MEI4: variants seen among roughly 807,000 people sequenced by gnomAD.
MEI4 encodes the protein meiotic double-stranded break formation protein 4.
MEI4 carries 27 observed loss-of-function variants against 31.4 expected under a neutral mutation model. That is an observed-to-expected ratio of 0.86 (90% CI 0.63 to 1.19). The LOEUF is 1.19. MEI4 is among the 50% of genes most tolerant of loss of function. MEI4 has a pLI of 0.00. For missense variants in MEI4, 329 were observed against 398.9 expected (o/e 0.82, Z 1.49); for synonymous variants, 122 against 145.4 (o/e 0.84, Z 1.16).
At chr6:77,716,226 TATAGACTA>T (rs1766579940) in intron 2 of MEI4, among the ~76,000 whole-genome samples, 2 of 152,190 alleles carry the variant, frequency 1.3e-5, no homozygotes, top group Admixed American at 6.5e-5. Flanking sequence ...TCAGATCAGA[TATAGACTA>T]TCAGAGATGG....
At chr6:77,832,484 GA>G (rs1439354523) in intron 4 of MEI4, among the ~76,000 whole-genome samples, 8 of 151,940 alleles carry the variant, frequency 5.3e-5, no homozygotes, top group African/African-American at 1.9e-4. Flanking sequence ...TATTTACTGA[GA>G]AGCCTTATGT....
At chr6:77,779,640 T>C (rs147768323) in intron 3 of MEI4, among the ~76,000 whole-genome samples, 1,570 of 152,334 alleles carry the variant, frequency 0.01, 25 homozygotes, top group African/African-American at 0.035. Flanking sequence ...GAATGTGTTA[T>C]GCCATTTTAC....
intron 2 of MEI4, among the ~76,000 whole-genome samples, chr6:77,757,427 G>A (rs528239744): frequency 6.6e-6 from 1 of 152,268 alleles, no homozygotes; most frequent in South Asian, 2.1e-4. Flanking sequence ...TAGAAATAAA[G>A]CAGCCTGTAA....
At position 77,926,820 on chromosome 6, in the gene MEI4, C is replaced by G. The variant is rs1291014768; in HGVS notation, c.*3474C>G. 1 of 151,826 alleles carries G rather than the reference C, an allele frequency of 6.6e-6. No individual in the cohort carries two copies. Among genetic ancestry groups the G allele is most frequent in the Non-Finnish European group, 1.5e-5 (1 of 67,888 alleles). The allele number at this position is 151,826 out of a possible 1,614,324, so 9.4% of individuals were successfully genotyped here. A position where few individuals can be genotyped will look rare whatever the true frequency, so the allele number is the denominator to read the frequency against. ...AGTCAATATAATGACCCAACTACAT[C>G]AATATTTGCTGAAGGAGATAATTAA... On this transcript the variant is annotated 3_prime_UTR_variant, in exon 5 of 5. Transcript: ENST00000684080.
intron 4 of MEI4, among the ~76,000 whole-genome samples, chr6:77,837,042 A>G (rs997225780): frequency 2.0e-5 from 3 of 152,132 alleles, no homozygotes; most frequent in Admixed American, 6.6e-5. Context: ...AAGGCTGAAC[A>G]TTCCCCCAAA....
chr6:77,843,694 T>C (rs1304014067), intron 4 of MEI4, among the ~76,000 whole-genome samples: 8 of 152,104 alleles, frequency 5.3e-5, no homozygotes, highest in Non-Finnish European at 1.2e-4. Context: ...TAATGGCCTC[T>C]ACTTTCTAAT....
At chr6:77,844,474 C>T (rs1770433429) in intron 4 of MEI4, among the ~76,000 whole-genome samples, 1 of 152,102 alleles carries the variant, frequency 6.6e-6, no homozygotes, top group African/African-American at 2.4e-5. Flanking sequence ...TTCTGAAGAT[C>T]TAGAGCAATC....
At chr6:77,865,397 A>G (rs1770996715) in intron 4 of MEI4, among the ~76,000 whole-genome samples, 2 of 152,214 alleles carry the variant, frequency 1.3e-5, no homozygotes, top group Admixed American at 6.5e-5. Flanking sequence ...TAAAGGTGAT[A>G]TCACCGGCAA....
intron 4 of MEI4, among the ~76,000 whole-genome samples, chr6:77,918,318 G>A (rs1766615801): frequency 1.4e-5 from 2 of 145,196 alleles, no homozygotes; most frequent in Admixed American, 1.4e-4. Context: ...GTCATTGGTA[G>A]CTTGATGGGG....
intron 4 of MEI4, among the ~76,000 whole-genome samples, chr6:77,881,316 AC>A (rs1482656257): frequency 6.6e-6 from 1 of 152,078 alleles, no homozygotes; most frequent in Non-Finnish European, 1.5e-5. Context: ...CAACTACAGA[AC>A]CCTTTTTTCA....
chr6:77,780,741 A>G (rs1476807052), intron 3 of MEI4, among the ~76,000 whole-genome samples: 1 of 152,162 alleles, frequency 6.6e-6, no homozygotes, highest in Non-Finnish European at 1.5e-5. Context: ...TTATAGTCCA[A>G]TTGAATTAAG....
intron 2 of MEI4, chr6:77,716,744 T>A (rs1350742173): frequency 3.5e-6 from 1 of 283,478 alleles, no homozygotes; most frequent in Non-Finnish European, 5.3e-6. Context: ...GAATGTATAT[T>A]TTTAAAATTT....
At chr6:77,850,547 A>G (rs956135351) in intron 4 of MEI4, among the ~76,000 whole-genome samples, 5 of 152,222 alleles carry the variant, frequency 3.3e-5, no homozygotes, top group Admixed American at 2.6e-4. Context: ...ATGATTCCCT[A>G]TTTAACAAAT....
chr6:77,811,069 A>T (rs1312108083), intron 3 of MEI4, among the ~76,000 whole-genome samples: 1 of 152,234 alleles, frequency 6.6e-6, no homozygotes, highest in East Asian at 1.9e-4. Context: ...AAGCTGTATA[A>T]ATAGATATCA....
At chr6:77,804,937 C>T (rs1769388254) in intron 3 of MEI4, among the ~76,000 whole-genome samples, 1 of 152,050 alleles carries the variant, frequency 6.6e-6, no homozygotes, top group Non-Finnish European at 1.5e-5. Context: ...TTTTATGGGG[C>T]ATTGGATTTT....
chr6:77,710,897 C>T (rs1016048345), intron 2 of MEI4, among the ~76,000 whole-genome samples: 5 of 152,148 alleles, frequency 3.3e-5, no homozygotes, highest in African/African-American at 1.2e-4. Flanking sequence ...ACCCAAATGC[C>T]CTCATTGGCA....
chr6:77,712,726 C>G (rs1361029098), intron 2 of MEI4, among the ~76,000 whole-genome samples: 1 of 152,046 alleles, frequency 6.6e-6, no homozygotes, highest in Non-Finnish European at 1.5e-5. Context: ...AATCCCAGCA[C>G]TTTGGGAGGC....
chr6:77,652,822 A>G (rs1376732658), upstream of MEI4, among the ~76,000 whole-genome samples: 3 of 152,168 alleles, frequency 2.0e-5, no homozygotes, highest in East Asian at 5.8e-4. Flanking sequence ...TGGGCTCACT[A>G]AGGCCCATAG....
At chr6:77,854,029 CTG>C (rs1258628942) in intron 4 of MEI4, among the ~76,000 whole-genome samples, 12 of 152,196 alleles carry the variant, frequency 7.9e-5, no homozygotes, top group African/African-American at 2.6e-4. Context: ...ACTAAAGAGA[CTG>C]TGTTAATTCT....
Sources: allele counts gnomAD v4.1 joint callset (sites outside exome capture counted in the v4.1 genomes callset), GRCh38; gene constraint gnomAD v4.1.1; transcripts MANE v1.5; gene names NCBI Gene and HGNC (gene_info 2026-07-23, HGNC 2026-07-21).